Variants in ELFN1 observed in about 807,000 individuals in gnomAD.
The protein encoded by ELFN1 is protein ELFN1.
A neutral mutation model predicts 7.6 loss-of-function variants in ELFN1; 6 were observed. That is an observed-to-expected ratio of 0.79 (90% CI 0.43 to 1.56). ELFN1 has a LOEUF of 1.56. Ranked by LOEUF, ELFN1 falls within the 40% of genes most tolerant of loss-of-function variation. The pLI, the probability that ELFN1 is intolerant of heterozygous loss-of-function variation, is 0.01. For missense variants in ELFN1, 1,169 were observed against 1,232.2 expected (o/e 0.95, Z 0.77); for synonymous variants, 657 against 588.1 (o/e 1.12, Z -1.70).
At position 1,726,947 on chromosome 7, in the gene ELFN1, G is replaced by C. The variant is rs192087946; in HGVS notation, c.-293-17357G>C. Among the ~76,000 whole-genome samples the C allele has an allele frequency of 5.5e-4, 83 of 152,276 alleles. 1 individual carries two copies. The highest frequency in any genetic ancestry group is 1.9e-3 in the African/African-American group (81 of 41,552). ...TAGTCCTCTGAGGGTCGTTTTACAG[G>C]CACAAAGATTGAAGCCCAGGGTGGG... On this transcript the variant is annotated intron_variant, in intron 3 of 3. Coordinates refer to ENST00000424383, the MANE Select transcript of ELFN1 (RefSeq NM_001128636.4).
At chr7:1,717,586 G>A (rs1013267618) in intron 3 of ELFN1, among the ~76,000 whole-genome samples, 2 of 152,180 alleles carry the variant, frequency 1.3e-5, no homozygotes, top group Non-Finnish European at 2.9e-5. Flanking sequence ...TGTGGTTCAT[G>A]GGGGAGCCTG....
intron 3 of ELFN1, among the ~76,000 whole-genome samples, chr7:1,738,148 G>T (rs1045895414): frequency 6.6e-6 from 1 of 152,208 alleles, no homozygotes; most frequent in Admixed American, 6.5e-5. Flanking sequence ...CCCTTCACTC[G>T]AGGGGCTTCC....
At chr7:1,706,146 T>C (rs1248126132) in intron 2 of ELFN1, among the ~76,000 whole-genome samples, 4 of 152,212 alleles carry the variant, frequency 2.6e-5, no homozygotes, top group Non-Finnish European at 5.9e-5. Flanking sequence ...AGCAGCTGGC[T>C]GGGCACCGTG....
intron 2 of ELFN1, among the ~76,000 whole-genome samples, chr7:1,696,392 CTTTTT>C (rs964898176): frequency 7.3e-6 from 1 of 137,250 alleles, no homozygotes; most frequent in African/African-American, 2.7e-5. Context: ...TTCTTTCTTT[CTTTTT>C]TTTTTTTTTT....
intron 2 of ELFN1, among the ~76,000 whole-genome samples, chr7:1,706,832 C>G (rs540223572): frequency 1.8e-4 from 28 of 152,368 alleles, no homozygotes; most frequent in African/African-American, 6.5e-4. Flanking sequence ...TTGGCAGATG[C>G]TAGGCAGGAT....
intron 1 of ELFN1, among the ~76,000 whole-genome samples, chr7:1,679,002 C>T (rs1421928107): frequency 6.6e-6 from 1 of 152,062 alleles, no homozygotes; most frequent in Non-Finnish European, 1.5e-5. Context: ...AGAGGAGAGG[C>T]CTGGGGACCC....
In ELFN1 at chr7:1,746,403, G is replaced by C; in HGVS notation, c.1807G>C (p.Glu603Gln). 8 of 1,536,340 alleles carry C rather than the reference G, an allele frequency of 5.2e-6. No homozygotes were observed. Among genetic ancestry groups the C allele is most frequent in the Non-Finnish European group, 7.0e-6 (8 of 1,142,500 alleles). ...VAEPPLVLLS[E>Q]PLAAKHGFLA... ...GGAGCCGCCGCTGGTGCTGCTGTCCGAGCCGCTGGCCGCCAAGCACGGCTT... is the reference window on the plus strand; with the variant it reads ...GGAGCCGCCGCTGGTGCTGCTGTCCCAGCCGCTGGCCGCCAAGCACGGCTT... The change falls in exon 4 of 4, where the codon GAG (glutamate) becomes CAG (glutamine). Residue 603 changes from glutamate to glutamine, a missense_variant. Coordinates refer to ENST00000424383, the MANE Select transcript of ELFN1 (RefSeq NM_001128636.4).
Position 1,746,171 on chromosome 7 carries a change from C to T in ELFN1, c.1575C>T (p.Tyr525=). 1.3e-6 allele frequency: 2 copies of T among 1,550,002 alleles called. No homozygotes were observed. Among genetic ancestry groups the T allele is most frequent in the South Asian group, 1.2e-5 (1 of 84,022 alleles). Residue 525 remains tyrosine, a synonymous_variant, in exon 4 of 4, where the codon TAC becomes TAT. Transcript: ENST00000424383. The part of the protein sequence containing the change: ...ADTPKASKGS[Y]MEVRTGDPPE... ...CCCCCAAGGCCAGCAAGGGCAGCTA[C>T]ATGGAGGTTCGAACCGGGGACCCTC...
chr7:1,736,784 T>C (rs1207083446), intron 3 of ELFN1, among the ~76,000 whole-genome samples: 1 of 152,172 alleles, frequency 6.6e-6, no homozygotes, highest in African/African-American at 2.4e-5. Context: ...CCTGGGACTC[T>C]GGCTCTGGCC....
chr7:1,700,193 C>T (rs75378012), intron 2 of ELFN1, among the ~76,000 whole-genome samples: 15,557 of 152,180 alleles, frequency 0.1, 834 homozygotes, highest in Middle Eastern at 0.15. Flanking sequence ...AGACTGTGAG[C>T]TGGAACAAGC....
intron 3 of ELFN1, among the ~76,000 whole-genome samples, chr7:1,714,671 A>C (rs2128589805): frequency 6.6e-6 from 1 of 152,322 alleles, no homozygotes. Context: ...AAGTGTGCAG[A>C]GGTGTTCAAG....
chr7:1,743,528 A>G (rs561502442), intron 3 of ELFN1, among the ~76,000 whole-genome samples: 6 of 152,272 alleles, frequency 3.9e-5, no homozygotes, highest in Admixed American at 2.0e-4. Context: ...CTCAGAGACC[A>G]TCCAGCTGGC....
chr7:1,733,434 C>A (rs1780365047), intron 3 of ELFN1, among the ~76,000 whole-genome samples: 1 of 152,076 alleles, frequency 6.6e-6, no homozygotes, highest in East Asian at 1.9e-4. Flanking sequence ...GCAGGAGGAG[C>A]CCTGGGCGGT....
intron 2 of ELFN1, chr7:1,693,884 T>C (rs1223887665): frequency 4.7e-6 from 2 of 421,942 alleles, no homozygotes; most frequent in Non-Finnish European, 5.0e-6. Flanking sequence ...TGCTTCCTCC[T>C]CCCCAGTCCA....
intron 1 of ELFN1, among the ~76,000 whole-genome samples, chr7:1,672,655 T>C (rs1280023049): frequency 1.3e-5 from 2 of 152,134 alleles, no homozygotes; most frequent in Non-Finnish European, 2.9e-5. Context: ...TAGATTTTGA[T>C]AGAATTTTCT....
chr7:1,683,961 A>G (rs1462946099), intron 1 of ELFN1, among the ~76,000 whole-genome samples: 3 of 152,098 alleles, frequency 2.0e-5, no homozygotes, highest in African/African-American at 7.2e-5. Flanking sequence ...CCACCCTGGG[A>G]AGCATAGGGA....
intron 1 of ELFN1, among the ~76,000 whole-genome samples, chr7:1,675,922 C>G (rs1333828590): frequency 6.6e-6 from 1 of 152,208 alleles, no homozygotes; most frequent in Non-Finnish European, 1.5e-5. Flanking sequence ...TCCACGGCCT[C>G]CCTAGAAGCC....
At chr7:1,681,723 C>T (rs926230787) in intron 1 of ELFN1, among the ~76,000 whole-genome samples, 6 of 152,356 alleles carry the variant, frequency 3.9e-5, no homozygotes, top group Middle Eastern at 3.4e-3. Context: ...ACCAGCAACA[C>T]GTGAGGGTTC....
intron 1 of ELFN1, among the ~76,000 whole-genome samples, chr7:1,676,393 G>A (rs186478750): frequency 1.1e-4 from 17 of 152,366 alleles, no homozygotes; most frequent in South Asian, 2.1e-4. Context: ...GGGGTGGCCC[G>A]GGCTGGGGAG....
Sources: allele counts gnomAD v4.1 joint callset (sites outside exome capture counted in the v4.1 genomes callset), GRCh38; gene constraint gnomAD v4.1.1; transcripts MANE v1.5; gene names NCBI Gene and HGNC (gene_info 2026-07-23, HGNC 2026-07-21).